The following LRRTM4 variants were observed in gnomAD, a reference collection of about 807,000 sequenced individuals.
The protein encoded by LRRTM4 is leucine rich repeat transmembrane neuronal 4.
LRRTM4 carries 25 observed loss-of-function variants against 47.6 expected under a neutral mutation model. The observed-to-expected ratio is 0.53, with a 90% confidence interval of 0.38 to 0.73. LRRTM4 has a LOEUF of 0.73. Among genes scored for constraint, LRRTM4 ranks in the 30% least tolerant of loss-of-function variants. The probability of loss-of-function intolerance (pLI) is 0.00; values close to 1 mark genes in which losing one functional copy is unlikely to be tolerated. For synonymous variants in LRRTM4, 311 were observed against 269.5 expected, an observed-to-expected ratio of 1.15 and a Z score of -1.51; for missense variants, 638 against 713.4, an observed-to-expected ratio of 0.89 and a Z score of 1.20.
chr2:76,982,246 C>T (rs1161897361), intron 3 of LRRTM4, among the ~76,000 whole-genome samples: 1 of 151,948 alleles, frequency 6.6e-6, no homozygotes, highest in East Asian at 2.0e-4. Context: ...AAGTAAGAAA[C>T]CCTCAGCAGA....
rs1195049558 is a variant in LRRTM4 at position 76,799,488 on chromosome 2, T to C, written c.1552-50572A>G. The stretch of plus-strand genomic sequence containing the variant: ...GAGCTATCTATGACAAACCCACAGC[T>C]AATATCATACTGAATGGGCAAAAAC... On this transcript the variant is annotated intron_variant, in intron 3 of 3. Coordinates refer to ENST00000409884, the MANE Select transcript of LRRTM4 (RefSeq NM_001134745.3). 8.4e-3 allele frequency among the ~76,000 whole-genome samples: 1,101 copies of C among 130,556 alleles called. 5 individuals carry two copies. Among genetic ancestry groups the C allele is most frequent in the Non-Finnish European group, 0.01 (573 of 56,918 alleles). 85.6% of individuals were successfully genotyped at this position (130,556 alleles called of 152,430 possible).
At chr2:77,448,469 T>C (rs1007768347) in intron 3 of LRRTM4, among the ~76,000 whole-genome samples, 4 of 152,212 alleles carry the variant, frequency 2.6e-5, no homozygotes, top group African/African-American at 9.6e-5. Context: ...TGTATTATTC[T>C]AATTGTATTA....
intron 3 of LRRTM4, among the ~76,000 whole-genome samples, chr2:76,938,528 T>C (rs1381358072): frequency 6.6e-6 from 1 of 152,164 alleles, no homozygotes; most frequent in East Asian, 1.9e-4. Flanking sequence ...AAATGTGATT[T>C]CACTCCTGTT....
chr2:76,788,999 T>A (rs569648875), intron 3 of LRRTM4, among the ~76,000 whole-genome samples: 1 of 152,320 alleles, frequency 6.6e-6, no homozygotes, highest in East Asian at 1.9e-4. Context: ...AAACTTACAC[T>A]GAGTTAAACA....
At chr2:77,000,204 T>C (rs1236371604) in intron 3 of LRRTM4, among the ~76,000 whole-genome samples, 1 of 151,964 alleles carries the variant, frequency 6.6e-6, no homozygotes, top group Non-Finnish European at 1.5e-5. Flanking sequence ...AATGAGCCTG[T>C]GGGGACAGCT....
At chr2:77,491,498 A>G (rs925908854) in intron 3 of LRRTM4, among the ~76,000 whole-genome samples, 2 of 152,146 alleles carry the variant, frequency 1.3e-5, no homozygotes, top group African/African-American at 4.8e-5. Context: ...AGTACTATAA[A>G]GTAAGATTCC....
intron 3 of LRRTM4, among the ~76,000 whole-genome samples, chr2:76,898,483 G>T (rs1229672735): frequency 2.0e-5 from 3 of 150,194 alleles, no homozygotes; most frequent in African/African-American, 4.9e-5. Flanking sequence ...AACCCAGGAG[G>T]TGGAGGATGA....
chr2:76,916,384 C>CAAAAAAAAAAAAAAAAAA (rs57874749), intron 3 of LRRTM4, among the ~76,000 whole-genome samples: 12 of 53,482 alleles, frequency 2.2e-4, no homozygotes, highest in African/African-American at 7.2e-4. Context: ...GACTGTGTCT[C>CAAAAAAAAAAAAAAAAAA]AAAAAAAAAA....
intron 3 of LRRTM4, among the ~76,000 whole-genome samples, chr2:76,773,239 C>G (rs187266176): frequency 1.3e-5 from 2 of 152,322 alleles, no homozygotes; most frequent in Admixed American, 1.3e-4. Flanking sequence ...GTAGCAAACC[C>G]AGATGGCCTA....
At chr2:77,360,687 G>A (rs757193574) in intron 3 of LRRTM4, among the ~76,000 whole-genome samples, 13 of 152,226 alleles carry the variant, frequency 8.5e-5, no homozygotes, top group Non-Finnish European at 1.6e-4. Context: ...GAGCAGAAGT[G>A]AGATCTTGAG....
At chr2:77,263,586 G>A (rs1422246880) in intron 3 of LRRTM4, among the ~76,000 whole-genome samples, 1 of 152,076 alleles carries the variant, frequency 6.6e-6, no homozygotes, top group Non-Finnish European at 1.5e-5. Flanking sequence ...GGTTGAAGTG[G>A]GGAAAACACT....
At chr2:76,871,081 A>G (rs532748241) in intron 3 of LRRTM4, among the ~76,000 whole-genome samples, 6 of 152,326 alleles carry the variant, frequency 3.9e-5, no homozygotes, top group South Asian at 4.1e-4. Flanking sequence ...GAAAAAATCA[A>G]TATCAATACA....
intron 3 of LRRTM4, among the ~76,000 whole-genome samples, chr2:76,846,765 T>A (rs1296645749): frequency 1.3e-5 from 2 of 152,178 alleles, no homozygotes; most frequent in African/African-American, 4.8e-5. Context: ...TTCCCAACTA[T>A]ATACTAAGAA....
intron 3 of LRRTM4, among the ~76,000 whole-genome samples, chr2:76,903,695 G>T (rs1420214600): frequency 2.6e-5 from 4 of 152,112 alleles, no homozygotes; most frequent in Non-Finnish European, 5.9e-5. Context: ...TTGTAACTAG[G>T]ATAAATCAAA....
intron 3 of LRRTM4, among the ~76,000 whole-genome samples, chr2:76,917,851 T>A (rs981983135): frequency 7.2e-5 from 11 of 152,140 alleles, no homozygotes; most frequent in Non-Finnish European, 1.3e-4. Context: ...TTTCTTGGTT[T>A]TCCTCTATTT....
At chr2:76,798,749 TA>T (rs1298574599) in intron 3 of LRRTM4, among the ~76,000 whole-genome samples, 1 of 150,314 alleles carries the variant, frequency 6.7e-6, no homozygotes, top group Non-Finnish European at 1.5e-5. Context: ...ATAGATGCAA[TA>T]AAAAATGATA....
intron 3 of LRRTM4, among the ~76,000 whole-genome samples, chr2:76,939,757 T>G (rs1005561632): frequency 1.3e-5 from 2 of 152,160 alleles, no homozygotes; most frequent in Non-Finnish European, 2.9e-5. Context: ...AGTGATATCC[T>G]TTTGGCAATA....
intron 3 of LRRTM4, among the ~76,000 whole-genome samples, chr2:77,161,973 G>C (rs12616014): frequency 6.6e-6 from 1 of 151,934 alleles, no homozygotes; most frequent in Admixed American, 6.6e-5. Flanking sequence ...CACAGAAGAC[G>C]AGTGATTTCT....
chr2:77,033,494 C>A (rs1256905300), intron 3 of LRRTM4, among the ~76,000 whole-genome samples: 1 of 151,702 alleles, frequency 6.6e-6, no homozygotes, highest in Admixed American at 6.6e-5. Flanking sequence ...ATAATGTTGA[C>A]AAATTAAATC....
Sources: gnomAD v4.1 joint callset for allele counts (sites outside exome capture counted in the v4.1 genomes callset) on GRCh38, gnomAD v4.1.1 for gene constraint, MANE v1.5 for transcripts, NCBI Gene and HGNC (gene_info 2026-07-23, HGNC 2026-07-21) for gene names.